QTMAN: variants seen among roughly 807,000 people sequenced by gnomAD.
QTMAN encodes queuosine-tRNA mannosyltransferase, also known as tRNA-queuosine alpha-mannosyltransferase.
chr2:144,332,193 T>C, the QTMAN span, among the ~76,000 whole-genome samples: 1 of 151,822 alleles, frequency 6.6e-6, no homozygotes, highest in East Asian at 1.9e-4. Context: ...GACGCCCCAT[T>C]CCGAGCGCGG....
At chr2:144,160,406 T>C in the QTMAN span, among the ~76,000 whole-genome samples, 1 of 152,154 alleles carries the variant, frequency 6.6e-6, no homozygotes, top group Non-Finnish European at 1.5e-5. Flanking sequence ...TTTATCCTTC[T>C]AGTGTTGGTA....
At chr2:144,246,598 A>AAAAG in the QTMAN span, among the ~76,000 whole-genome samples, 9 of 149,076 alleles carry the variant, frequency 6.0e-5, no homozygotes, top group African/African-American at 2.3e-4. Context: ...AAAAAAAAAA[A>AAAAG]AAAAGAAAAG....
chr2:144,149,189 A>G, the QTMAN span, among the ~76,000 whole-genome samples: 1 of 151,926 alleles, frequency 6.6e-6, no homozygotes, highest in Non-Finnish European at 1.5e-5. Context: ...TATTTAACCA[A>G]TAAATCCTAA....
the QTMAN span, among the ~76,000 whole-genome samples, chr2:144,225,831 T>C: frequency 6.6e-6 from 1 of 152,172 alleles, no homozygotes; most frequent in Non-Finnish European, 1.5e-5. Flanking sequence ...GTCACCACAA[T>C]CCCTCTTATA....
chr2:143,955,534 C>A, the QTMAN span, among the ~76,000 whole-genome samples: 1 of 152,138 alleles, frequency 6.6e-6, no homozygotes, highest in Non-Finnish European at 1.5e-5. Flanking sequence ...AAGGATTTTA[C>A]CATAGTGACT....
At chr2:144,257,854 G>GA in the QTMAN span, among the ~76,000 whole-genome samples, 1 of 151,890 alleles carries the variant, frequency 6.6e-6, no homozygotes, top group Non-Finnish European at 1.5e-5. Context: ...GGCAGATTAA[G>GA]AAAAAAACTG....
the QTMAN span, among the ~76,000 whole-genome samples, chr2:144,237,054 A>G: frequency 2.7e-3 from 407 of 152,266 alleles, 1 homozygote; most frequent in African/African-American, 9.4e-3. Flanking sequence ...CACGCACTGC[A>G]CTCAGTGCTG....
the QTMAN span, among the ~76,000 whole-genome samples, chr2:143,973,130 T>C: frequency 1.3e-5 from 2 of 152,180 alleles, no homozygotes; most frequent in African/African-American, 2.4e-5. Context: ...GGTTTTTTTT[T>C]CTTTTTTTGT....
chr2:144,305,582 G>A, the QTMAN span, among the ~76,000 whole-genome samples: 3 of 151,956 alleles, frequency 2.0e-5, no homozygotes, highest in Non-Finnish European at 2.9e-5. Context: ...TAAAAATTCT[G>A]ACTACCCTGA....
the QTMAN span, among the ~76,000 whole-genome samples, chr2:143,983,468 G>GTTTTT: frequency 1.9e-4 from 22 of 115,998 alleles, no homozygotes; most frequent in Non-Finnish European, 2.4e-4. Flanking sequence ...CATTTTTGAG[G>GTTTTT]TTTTTTTTTT....
chr2:144,181,340 T>G, the QTMAN span, among the ~76,000 whole-genome samples: 11 of 152,172 alleles, frequency 7.2e-5, no homozygotes, highest in Non-Finnish European at 1.5e-4. Flanking sequence ...ATTAAGCATC[T>G]AAAAATACAA....
chr2:144,206,896 G>A, the QTMAN span, among the ~76,000 whole-genome samples: 2 of 152,148 alleles, frequency 1.3e-5, no homozygotes, highest in Middle Eastern at 3.2e-3. Flanking sequence ...TCAAATCACT[G>A]TAGAAATTTA....
chr2:144,077,545 T>C, the QTMAN span, among the ~76,000 whole-genome samples: 1 of 152,352 alleles, frequency 6.6e-6, no homozygotes, highest in East Asian at 1.9e-4. Flanking sequence ...TTTGATATTA[T>C]ATTATCCTAT....
the QTMAN span, among the ~76,000 whole-genome samples, chr2:144,279,989 A>G: frequency 1.3e-5 from 2 of 152,162 alleles, no homozygotes; most frequent in East Asian, 3.8e-4. Flanking sequence ...AAATGTACTA[A>G]GTGTATGTGG....
At chr2:143,970,487 TTAAG>T in the QTMAN span, among the ~76,000 whole-genome samples, 298 of 151,578 alleles carry the variant, frequency 2.0e-3, no homozygotes, top group Non-Finnish European at 3.1e-3. Context: ...GAATGCTTAC[TTAAG>T]TATTTTTTTA....
At chr2:144,133,151 A>ATATATATATAATATATATAT in the QTMAN span, among the ~76,000 whole-genome samples, 16 of 51,384 alleles carry the variant, frequency 3.1e-4, no homozygotes, top group African/African-American at 1.4e-3. Flanking sequence ...ATATATATAT[A>ATATATATATAATATATATAT]ATATAATATA....
chr2:143,973,106 A>G, the QTMAN span, among the ~76,000 whole-genome samples: 2 of 152,204 alleles, frequency 1.3e-5, no homozygotes, highest in African/African-American at 2.4e-5. Flanking sequence ...GTTACTGGAG[A>G]TAAGTAGTAA....
chr2:144,185,597 T>C, the QTMAN span, among the ~76,000 whole-genome samples: 1 of 152,208 alleles, frequency 6.6e-6, no homozygotes, highest in Non-Finnish European at 1.5e-5. Context: ...AGAGTACTAG[T>C]AACCATAATC....
chr2:144,327,058 G>A, the QTMAN span, among the ~76,000 whole-genome samples: 2 of 152,044 alleles, frequency 1.3e-5, no homozygotes, highest in East Asian at 3.9e-4. Flanking sequence ...AGACAGACAC[G>A]CCCTGCCCCC....
Sources: allele counts gnomAD v4.1 joint callset (sites outside exome capture counted in the v4.1 genomes callset), GRCh38; gene constraint gnomAD v4.1.1; transcripts MANE v1.5; gene names NCBI Gene and HGNC (gene_info 2026-07-23, HGNC 2026-07-21).